Variants in PXDNL observed in about 807,000 individuals in gnomAD.
The protein encoded by PXDNL is probable oxidoreductase PXDNL.
A neutral mutation model predicts 150.8 loss-of-function variants in PXDNL; 145 were observed. The observed-to-expected ratio is 0.96, with a 90% CI of 0.84 to 1.10. The LOEUF (loss-of-function observed/expected upper bound fraction) is 1.10. PXDNL is among the 50% of genes least tolerant of loss of function. The pLI is 0.00. For missense variants in PXDNL, 2,087 were observed against 1,873.9 expected, an observed-to-expected ratio of 1.11 and a Z score of -2.10; for synonymous variants, 757 against 725.7, an observed-to-expected ratio of 1.04 and a Z score of -0.69.
At chr8:51,712,982 A>C (rs1816530921) in intron 1 of PXDNL, among the ~76,000 whole-genome samples, 1 of 152,230 alleles carries the variant, frequency 6.6e-6, no homozygotes, top group Non-Finnish European at 1.5e-5. Context: ...CTGAAAGGGT[A>C]CTCATCACAA....
At chr8:51,696,849 A>ATC (rs1407551785) in intron 1 of PXDNL, among the ~76,000 whole-genome samples, 139 of 872 alleles carry the variant, frequency 0.16, 9 homozygotes, top group African/African-American at 0.21. Flanking sequence ...AGGTCCTGAC[A>ATC]CACACACAGG....
intron 17 of PXDNL, among the ~76,000 whole-genome samples, chr8:51,398,459 C>T (rs78311110): frequency 0.027 from 4,062 of 152,262 alleles, 216 homozygotes; most frequent in African/African-American, 0.091. Context: ...AATCAGAACA[C>T]GGTGATGGCT....
chr8:51,721,707 C>G (rs746484187), intron 1 of PXDNL: 1 of 465,018 alleles, frequency 2.2e-6, no homozygotes, highest in Non-Finnish European at 4.2e-6. Context: ...CATCAAAATT[C>G]TCCACAAGAT....
chr8:51,762,430 A>G (rs1216628972), intron 1 of PXDNL, among the ~76,000 whole-genome samples: 1 of 152,160 alleles, frequency 6.6e-6, no homozygotes, highest in Non-Finnish European at 1.5e-5. Flanking sequence ...TTTAAGTCCA[A>G]TAAGAAACAG....
At chr8:51,505,747 T>C (rs1346607800) in intron 4 of PXDNL, among the ~76,000 whole-genome samples, 2 of 152,208 alleles carry the variant, frequency 1.3e-5, no homozygotes, top group African/African-American at 4.8e-5. Flanking sequence ...TCAACAATCC[T>C]AGCACATGAA....
intron 1 of PXDNL, among the ~76,000 whole-genome samples, chr8:51,806,389 A>G (rs2037675691): frequency 6.6e-6 from 1 of 152,144 alleles, no homozygotes. Context: ...AACAAAAACT[A>G]TTGGTTCTGC....
intron 2 of PXDNL, among the ~76,000 whole-genome samples, chr8:51,638,316 C>A (rs902876045): frequency 1.4e-4 from 21 of 152,148 alleles, no homozygotes; most frequent in African/African-American, 5.1e-4. Flanking sequence ...AACCAGCTAA[C>A]ATCATAATGA....
At chr8:51,643,822 A>G (rs1814835069) in intron 2 of PXDNL, among the ~76,000 whole-genome samples, 2 of 152,218 alleles carry the variant, frequency 1.3e-5, no homozygotes, top group South Asian at 2.1e-4. Flanking sequence ...GCCAGAATCT[A>G]GAAAGAACTC....
intron 1 of PXDNL, among the ~76,000 whole-genome samples, chr8:51,708,915 G>A (rs927273669): frequency 5.3e-5 from 8 of 152,200 alleles, no homozygotes; most frequent in Non-Finnish European, 1.0e-4. Context: ...TATTTAAAAT[G>A]TGGGACCAGA....
chr8:51,409,277 C>A lies in PXDNL; in HGVS notation c.2347G>T (p.Val783Phe), dbSNP rs755115934. 7.0e-7 allele frequency: 1 copy of A among 1,430,696 alleles called. No homozygotes were observed. The highest frequency in any genetic ancestry group is 9.1e-7 in the Non-Finnish European group (1 of 1,098,756). The allele number at this position is 1,430,696 out of a possible 1,614,324, so 88.6% of individuals were successfully genotyped here. The change falls in exon 17 of 23, where the codon GTC (valine) becomes TTC (phenylalanine). Residue 783 changes from valine (V) to phenylalanine (F), a missense_variant. By Grantham distance (50) the Val-to-Phe change is conservative (BLOSUM62 -1). Transcript: ENST00000356297. ...SRQPLPPPRL[V>F]ATVWARAAAV... is the part of the protein sequence containing the mutation. The stretch of plus-strand genomic sequence containing the variant: ...GCCGCGCGCGCCCACACTGTGGCGA[C>A]CAGCCGGGGCGGCGGGAGGGGCTGG...
At chr8:51,582,650 G>T (rs913867035) in intron 3 of PXDNL, among the ~76,000 whole-genome samples, 6 of 152,084 alleles carry the variant, frequency 3.9e-5, no homozygotes, top group African/African-American at 7.2e-5. Flanking sequence ...TTGATTTTAT[G>T]ATTTGAGCAG....
At chr8:51,565,911 C>G (rs111444610) in intron 3 of PXDNL, among the ~76,000 whole-genome samples, 3,662 of 151,832 alleles carry the variant, frequency 0.024, 158 homozygotes, top group African/African-American at 0.083. Flanking sequence ...CCTGTAGTTT[C>G]TCACCATTAA....
chr8:51,764,472 CAGCTCCACCCTATA>C (rs2037203744), intron 1 of PXDNL, among the ~76,000 whole-genome samples: 1 of 151,464 alleles, frequency 6.6e-6, no homozygotes, highest in South Asian at 2.1e-4. Flanking sequence ...GCCATGACTG[CAGCTCCACCCTATA>C]AGTGTTGTTA....
chr8:51,700,412 CAA>C (rs200061024), intron 1 of PXDNL, among the ~76,000 whole-genome samples: 7 of 150,954 alleles, frequency 4.6e-5, no homozygotes, highest in Admixed American at 4.6e-4. Flanking sequence ...TACACACACA[CAA>C]ACATATGCAC....
chr8:51,608,836 C>CAAAAAAAAAAAAAAAA (rs59195880), intron 2 of PXDNL, among the ~76,000 whole-genome samples: 1 of 59,596 alleles, frequency 1.7e-5, no homozygotes, highest in Non-Finnish European at 3.3e-5. Flanking sequence ...GACTCTGTCT[C>CAAAAAAAAAAAAAAAA]AAAAAAAAAA....
intron 2 of PXDNL, among the ~76,000 whole-genome samples, chr8:51,649,616 T>C (rs192106370): frequency 3.3e-5 from 5 of 152,324 alleles, no homozygotes; most frequent in African/African-American, 9.6e-5. Flanking sequence ...CCCCTTATAA[T>C]TTTTAATTTT....
chr8:51,697,466 T>C (rs573002947), intron 1 of PXDNL, among the ~76,000 whole-genome samples: 2 of 152,274 alleles, frequency 1.3e-5, no homozygotes, highest in South Asian at 4.1e-4. Flanking sequence ...CTTAAGGATG[T>C]ATGTCCAATG....
At chr8:51,737,127 G>T (rs1464714850) in intron 1 of PXDNL, among the ~76,000 whole-genome samples, 1 of 152,082 alleles carries the variant, frequency 6.6e-6, no homozygotes, top group Admixed American at 6.5e-5. Context: ...ATTTCCAGCT[G>T]CCCAAAGACA....
At chr8:51,393,973 G>A (rs1391198818) in intron 17 of PXDNL, among the ~76,000 whole-genome samples, 6 of 152,132 alleles carry the variant, frequency 3.9e-5, no homozygotes, top group African/African-American at 1.4e-4. Context: ...GCAGTCGCAG[G>A]AAATAATATA....
Sources: allele counts gnomAD v4.1 joint callset (sites outside exome capture counted in the v4.1 genomes callset), GRCh38; gene constraint gnomAD v4.1.1; transcripts MANE v1.5; gene names NCBI Gene and HGNC (gene_info 2026-07-23, HGNC 2026-07-21).